CTBP2: variants seen among roughly 807,000 people sequenced by gnomAD.
CTBP2 encodes the protein C-terminal binding protein 2, also known as C-terminal-binding protein 2.
A neutral mutation model predicts 80.3 loss-of-function variants in CTBP2; 30 were observed. The observed-to-expected ratio is 0.37, with a 90% confidence interval of 0.28 to 0.51. The LOEUF (loss-of-function observed/expected upper bound fraction) is 0.51. CTBP2 is among the 20% of genes least tolerant of loss of function. CTBP2 has a pLI of 0.93. For synonymous variants in CTBP2, 594 were observed against 587.4 expected (o/e 1.01, Z -0.16); for missense variants, 1,212 against 1,375.3 (o/e 0.88, Z 1.88).
At position 125,115,707 on chromosome 10, in the gene CTBP2, A is replaced by G. The variant is rs1477531513; in HGVS notation, c.-205-4614T>C. 2.6e-5 allele frequency among the ~76,000 whole-genome samples: 4 copies of G among 152,238 alleles called. No individual in the cohort carries two copies. The East Asian group carries it at 7.7e-4, about 29-fold the overall frequency. On this transcript the variant is annotated intron_variant, in intron 1 of 10. Transcript: ENST00000337195. ...CTAACTCATGAGATAAACAGTTGAC[A>G]TTCAGCACAAGAATCCAATAGTCCT...
chr10:125,074,804 A>G (rs1846041059), intron 2 of CTBP2, among the ~76,000 whole-genome samples: 1 of 152,220 alleles, frequency 6.6e-6, no homozygotes, highest in African/African-American at 2.4e-5. Context: ...TGGACCCCAC[A>G]CATCACTCAG....
At chr10:125,157,433 C>A (rs1360758345) in intron 1 of CTBP2, among the ~76,000 whole-genome samples, 2 of 151,082 alleles carry the variant, frequency 1.3e-5, no homozygotes, top group Non-Finnish European at 2.9e-5. Flanking sequence ...GTATTCTTTA[C>A]CTTATCTTTC....
chr10:125,066,193 T>C lies in CTBP2; in HGVS notation c.-101-27038A>G, dbSNP rs138894230. Among the ~76,000 whole-genome samples the C allele has an allele frequency of 3.2e-3, 487 of 152,148 alleles. 2 individuals carry two copies. Among genetic ancestry groups the C allele is most frequent in the African/African-American group, 0.01 (432 of 41,506 alleles). On this transcript the variant is annotated intron_variant, in intron 2 of 10. Transcript: ENST00000337195. This position sits in a 1 kb window ranked among gnomAD's most constrained non-coding sequence, Gnocchi z 4.1. ...GCTCTTGGCTGAGGGATGTGAGCTATGAGCCCCTACATCACAGCTTCTGTT... is the reference window on the plus strand; with the variant it reads ...GCTCTTGGCTGAGGGATGTGAGCTACGAGCCCCTACATCACAGCTTCTGTT...
intron 3 of CTBP2, among the ~76,000 whole-genome samples, chr10:125,036,124 G>C (rs1958840709): frequency 6.6e-6 from 1 of 152,212 alleles, no homozygotes; most frequent in African/African-American, 2.4e-5. Context: ...GCCTGGCGGA[G>C]TGAATCCCCA....
intron 1 of CTBP2, among the ~76,000 whole-genome samples, chr10:125,137,856 C>A (rs995593667): frequency 9.8e-5 from 15 of 152,288 alleles, no homozygotes; most frequent in African/African-American, 3.1e-4. Flanking sequence ...TTATTCTTAT[C>A]GAGGTAAGGC....
intron 8 of CTBP2, among the ~76,000 whole-genome samples, chr10:124,991,139 T>G (rs1952554526): frequency 6.6e-6 from 1 of 152,234 alleles, no homozygotes; most frequent in African/African-American, 2.4e-5. Flanking sequence ...GAGGACACAC[T>G]GCATTCGCCA....
intron 2 of CTBP2, among the ~76,000 whole-genome samples, chr10:125,097,565 G>A (rs1261563438): frequency 6.6e-6 from 1 of 152,152 alleles, no homozygotes; most frequent in Non-Finnish European, 1.5e-5. Flanking sequence ...TCTCTGTCCC[G>A]CTGCTACAGG....
At chr10:125,139,982 A>G (rs537095397) in intron 1 of CTBP2, among the ~76,000 whole-genome samples, 73 of 152,068 alleles carry the variant, frequency 4.8e-4, no homozygotes, top group African/African-American at 1.7e-3. Flanking sequence ...CGTCTAGCAC[A>G]CCCCTTCCCC....
At chr10:125,134,050 T>A (rs997439076) in intron 1 of CTBP2, among the ~76,000 whole-genome samples, 2 of 152,162 alleles carry the variant, frequency 1.3e-5, no homozygotes, top group African/African-American at 4.8e-5. Flanking sequence ...AGATCAGATT[T>A]GAAAAGGACA....
At position 124,994,699 on chromosome 10, in the gene CTBP2, G is replaced by T; in HGVS notation, c.2186-16C>A. 6.2e-7 allele frequency: 1 copy of T among 1,613,370 alleles called. No individual in the cohort carries two copies. The highest frequency in any genetic ancestry group is 8.5e-7 in the Non-Finnish European group (1 of 1,179,324). ...CCCGTGCGACCTGTACAGAAACAGA[G>T]CGTCCAGGTGAGTGAGTCCACAGCC... On this transcript the variant is annotated splice_polypyrimidine_tract_variant and intron_variant, in intron 4 of 8. Coordinates refer to ENST00000309035, the MANE Select transcript of CTBP2 (RefSeq NM_022802.3).
At chr10:125,062,615 G>C (rs1049688373) in intron 2 of CTBP2, among the ~76,000 whole-genome samples, 12 of 152,190 alleles carry the variant, frequency 7.9e-5, no homozygotes, top group African/African-American at 2.7e-4. Flanking sequence ...TATAATCCCA[G>C]CACTTTGGGA....
At chr10:125,001,751 G>A (rs1220728576) in intron 3 of CTBP2, among the ~76,000 whole-genome samples, 5 of 152,164 alleles carry the variant, frequency 3.3e-5, no homozygotes, top group African/African-American at 1.2e-4. Flanking sequence ...CGGCTCCCCA[G>A]CCCTGCTCCT....
chr10:125,121,286 C>A lies in CTBP2; in HGVS notation c.-205-10193G>T, dbSNP rs370366983. 6.6e-5 allele frequency among the ~76,000 whole-genome samples: 10 copies of A among 152,342 alleles called. No homozygotes were observed. In the East Asian group the frequency reaches 1.9e-3, roughly 29 times the overall value. On this transcript the variant is annotated intron_variant, in intron 1 of 10. Coordinates refer to the CTBP2 transcript ENST00000337195. ...AGCGCTCAGCGTGGCGCCTGGCACGCCAGAGGCACCCAAGTGTTAGCTGTA... is the reference window on the plus strand; with the variant it reads ...AGCGCTCAGCGTGGCGCCTGGCACGACAGAGGCACCCAAGTGTTAGCTGTA...
chr10:125,006,294 G>A (rs1399040990), intron 1 of CTBP2, among the ~76,000 whole-genome samples: 5 of 151,146 alleles, frequency 3.3e-5, no homozygotes, highest in Admixed American at 1.3e-4. Flanking sequence ...TGCCGGGCAC[G>A]ACGGCTGGAG....
chr10:125,140,322 C>T (rs981762166), intron 1 of CTBP2, among the ~76,000 whole-genome samples: 7 of 151,826 alleles, frequency 4.6e-5, no homozygotes, highest in African/African-American at 1.2e-4. Context: ...ACCGAGATCA[C>T]GGGAATGCCA....
intron 1 of CTBP2, among the ~76,000 whole-genome samples, chr10:125,137,058 A>G (rs1857086458): frequency 6.6e-6 from 1 of 152,220 alleles, no homozygotes; most frequent in Non-Finnish European, 1.5e-5. Flanking sequence ...AAGGTCTCAT[A>G]TTCCTGCTTG....
intron 3 of CTBP2, among the ~76,000 whole-genome samples, chr10:125,037,171 G>A (rs914024152): frequency 4.6e-5 from 7 of 152,164 alleles, no homozygotes; most frequent in Non-Finnish European, 1.0e-4. Context: ...CACATGAAGG[G>A]GGTGGGAAGG....
intron 1 of CTBP2, among the ~76,000 whole-genome samples, chr10:125,153,623 AG>A (rs1319349271): frequency 6.6e-6 from 1 of 152,132 alleles, no homozygotes; most frequent in Non-Finnish European, 1.5e-5. Flanking sequence ...CACCTGCGGC[AG>A]GTACAATACT....
intron 1 of CTBP2, among the ~76,000 whole-genome samples, chr10:125,155,574 T>C (rs1220806303): frequency 6.6e-6 from 1 of 152,180 alleles, no homozygotes; most frequent in Non-Finnish European, 1.5e-5. Flanking sequence ...CTGATGGCTT[T>C]TGGATACTCT....
Sources: allele counts gnomAD v4.1 joint callset (sites outside exome capture counted in the v4.1 genomes callset), GRCh38; gene constraint gnomAD v4.1.1; non-coding constraint Gnocchi (gnomAD v3.1); transcripts MANE v1.5; gene names NCBI Gene and HGNC (gene_info 2026-07-23, HGNC 2026-07-21).